ANK2: variants seen among roughly 807,000 people sequenced by gnomAD.
ANK2 encodes the protein ankyrin 2.
In ANK2, 83 loss-of-function variants were observed where a neutral mutation model predicts 360.5. That is an observed-to-expected ratio of 0.23 (90% CI 0.19 to 0.28). The LOEUF is 0.28. ANK2 is among the 10% of genes least tolerant of loss of function. The probability of loss-of-function intolerance (pLI) is 1.00; values close to 1 mark genes in which losing one functional copy is unlikely to be tolerated. For missense variants in ANK2, 4,201 were observed against 4,795.7 expected (o/e 0.88, Z 3.66); for synonymous variants, 1,740 against 1,759.5 (o/e 0.99, Z 0.28).
the ANK2 span, among the ~76,000 whole-genome samples, chr4:112,718,215 G>C: frequency 6.6e-6 from 1 of 152,214 alleles, no homozygotes; most frequent in Non-Finnish European, 1.5e-5. Flanking sequence ...ATGGGGCAAG[G>C]CTGAGCCTGA....
At chr4:113,251,396 TATATA>T (rs2046271940) in intron 10 of ANK2, among the ~76,000 whole-genome samples, 2 of 152,058 alleles carry the variant, frequency 1.3e-5, no homozygotes, top group Non-Finnish European at 1.5e-5. Flanking sequence ...ATCCAACTAT[TATATA>T]ATATTGAGTA....
chr4:112,894,765 G>A (rs928228813), intron 1 of ANK2, among the ~76,000 whole-genome samples: 1 of 152,096 alleles, frequency 6.6e-6, no homozygotes. Context: ...GATTTTATAG[G>A]AGCAGAAACA....
chr4:113,200,284 G>A (rs1018765467), intron 4 of ANK2, among the ~76,000 whole-genome samples: 21 of 152,262 alleles, frequency 1.4e-4, no homozygotes, highest in South Asian at 8.3e-4. Flanking sequence ...AAGTATAACA[G>A]CATTTTAGGC....
At chr4:113,067,543 A>G (rs1330090591) in intron 1 of ANK2, among the ~76,000 whole-genome samples, 3 of 152,204 alleles carry the variant, frequency 2.0e-5, no homozygotes, top group Non-Finnish European at 4.4e-5. Context: ...CAGGACAGAT[A>G]GAGTTTTAGG....
intron 1 of ANK2, among the ~76,000 whole-genome samples, chr4:113,098,146 A>G (rs2091994332): frequency 6.6e-6 from 1 of 151,676 alleles, no homozygotes; most frequent in Admixed American, 6.6e-5. Flanking sequence ...AGCTTTTATC[A>G]TAGAAAACTA....
chr4:113,164,865 T>G (rs76785283), intron 1 of ANK2, among the ~76,000 whole-genome samples: 1,901 of 152,326 alleles, frequency 0.012, 36 homozygotes, highest in African/African-American at 0.043. Flanking sequence ...ACATGCTGAT[T>G]AGGGAATGAA....
the ANK2 span, among the ~76,000 whole-genome samples, chr4:112,757,399 C>T: frequency 2.6e-5 from 4 of 152,050 alleles, no homozygotes; most frequent in Non-Finnish European, 5.9e-5. Flanking sequence ...CAGGCGTGAG[C>T]CACTGTGTCC....
upstream of ANK2, among the ~76,000 whole-genome samples, chr4:112,817,614 C>A (rs969601259): frequency 6.6e-6 from 1 of 151,638 alleles, no homozygotes; most frequent in Admixed American, 6.6e-5. Context: ...ACACCACCTA[C>A]CAATATTTTA....
the ANK2 span, among the ~76,000 whole-genome samples, chr4:112,716,261 T>A: frequency 5.3e-5 from 8 of 152,092 alleles, no homozygotes; most frequent in African/African-American, 7.2e-5. Context: ...TATTATTATT[T>A]TTTTCTTTTT....
At chr4:112,962,399 A>G (rs1043557832) in intron 2 of ANK2, among the ~76,000 whole-genome samples, 3 of 152,162 alleles carry the variant, frequency 2.0e-5, no homozygotes, top group Non-Finnish European at 2.9e-5. Flanking sequence ...TCTGTGAAGT[A>G]TTCCATGGTG....
At chr4:113,219,912 C>T (rs999063655) in intron 4 of ANK2, among the ~76,000 whole-genome samples, 1 of 152,156 alleles carries the variant, frequency 6.6e-6, no homozygotes, top group African/African-American at 2.4e-5. Flanking sequence ...AAAAACAGCT[C>T]CTCATTAGAT....
chr4:112,895,441 A>C (rs2081437691), intron 1 of ANK2, among the ~76,000 whole-genome samples: 2 of 152,196 alleles, frequency 1.3e-5, no homozygotes, highest in Admixed American at 6.5e-5. Context: ...TTCATTAGTG[A>C]CCATCAGGAT....
chr4:113,266,119 C>T (rs2055874383), intron 14 of ANK2, among the ~76,000 whole-genome samples: 1 of 152,142 alleles, frequency 6.6e-6, no homozygotes, highest in Non-Finnish European at 1.5e-5. Context: ...CCCCCTACCC[C>T]CGACAGTCTC....
chr4:113,282,017 A>G (rs907160911), intron 17 of ANK2, among the ~76,000 whole-genome samples: 8 of 152,206 alleles, frequency 5.3e-5, no homozygotes, highest in Non-Finnish European at 2.9e-5. Flanking sequence ...CACCTAGCAC[A>G]CTGCTCGGCA....
At chr4:112,992,301 G>A (rs913736744) in intron 2 of ANK2, among the ~76,000 whole-genome samples, 2 of 151,966 alleles carry the variant, frequency 1.3e-5, no homozygotes, top group Non-Finnish European at 2.9e-5. Flanking sequence ...GAGTCACCAC[G>A]CCCGGCTAAT....
chr4:113,293,766 G>A (rs553406621), intron 22 of ANK2, among the ~76,000 whole-genome samples: 2 of 152,334 alleles, frequency 1.3e-5, no homozygotes, highest in South Asian at 4.1e-4. Context: ...ATAAAAATGT[G>A]TGAATATAGT....
the ANK2 span, among the ~76,000 whole-genome samples, chr4:112,761,552 G>A: frequency 6.6e-6 from 1 of 152,122 alleles, no homozygotes; most frequent in Admixed American, 6.5e-5. Context: ...CCAGGGAGGC[G>A]GAGGTTGCAG....
At chr4:113,120,679 G>T (rs1406261441) in intron 1 of ANK2, among the ~76,000 whole-genome samples, 1 of 152,068 alleles carries the variant, frequency 6.6e-6, no homozygotes, top group Non-Finnish European at 1.5e-5. Context: ...TATCATGGGG[G>T]TTTGCTGTGC....
intron 35 of ANK2, 93 bp downstream of exon 35, chr4:113,346,115 A>G: frequency 6.8e-7 from 1 of 1,471,822 alleles, no homozygotes; most frequent in Non-Finnish European, 9.5e-7. Flanking sequence ...TGGCAAAAAC[A>G]GCAATTGCTT....
Sources: allele counts gnomAD v4.1 joint callset (sites outside exome capture counted in the v4.1 genomes callset), GRCh38; gene constraint gnomAD v4.1.1; transcripts MANE v1.5; gene names NCBI Gene and HGNC (gene_info 2026-07-23, HGNC 2026-07-21).